The following MTBP variants were observed in gnomAD, a reference collection of about 807,000 sequenced individuals.
MTBP encodes MDM2 binding protein.
A neutral mutation model predicts 117.0 loss-of-function variants in MTBP; 101 were observed. The observed-to-expected ratio is 0.86, with a 90% confidence interval of 0.73 to 1.02. The LOEUF is 1.02. Ranked by LOEUF, MTBP falls within the 50% of genes least tolerant of loss-of-function variation. The pLI is 0.00. For missense variants in MTBP, 970 were observed against 1,030.9 expected, an observed-to-expected ratio of 0.94 and a Z score of 0.81; for synonymous variants, 350 against 351.5, an observed-to-expected ratio of 1.00 and a Z score of 0.05.
intron 11 of MTBP, chr8:120,472,613 T>C (rs922721156): frequency 2.0e-5 from 3 of 152,192 alleles, no homozygotes; most frequent in African/African-American, 7.2e-5. Context: ...GCCTTTTCCT[T>C]GCCACATGGT....
chr8:120,483,007 C>CT (rs71306885), intron 11 of MTBP, among the ~76,000 whole-genome samples: 23,070 of 139,962 alleles, frequency 0.16, 2,012 homozygotes, highest in Non-Finnish European at 0.21. Flanking sequence ...ACAGTACTAT[C>CT]TTTTTTTTTT....
intron 7 of MTBP, among the ~76,000 whole-genome samples, chr8:120,458,210 G>T (rs955653909): frequency 3.3e-5 from 5 of 152,104 alleles, no homozygotes; most frequent in African/African-American, 1.2e-4. Flanking sequence ...TGGTGATTAA[G>T]GACATAGATT....
At chr8:120,476,639 AC>A (rs1413813474) in intron 11 of MTBP, among the ~76,000 whole-genome samples, 2 of 152,138 alleles carry the variant, frequency 1.3e-5, no homozygotes, top group Non-Finnish European at 2.9e-5. Context: ...TCATGAATGA[AC>A]TCCAATTCAC....
intron 2 of MTBP, among the ~76,000 whole-genome samples, chr8:120,447,568 G>A (rs181381045): frequency 6.6e-6 from 1 of 152,072 alleles, no homozygotes; most frequent in Admixed American, 6.6e-5. Context: ...GTATGATAGT[G>A]TTGTTCTTTA....
chr8:120,469,299 G>A (rs766381576), intron 10 of MTBP, among the ~76,000 whole-genome samples: 2 of 152,064 alleles, frequency 1.3e-5, no homozygotes, highest in Non-Finnish European at 2.9e-5. Context: ...ACTTGCCTCG[G>A]CCTCCCAAAG....
intron 11 of MTBP, among the ~76,000 whole-genome samples, chr8:120,483,367 G>A (rs1296572216): frequency 6.6e-6 from 1 of 151,774 alleles, no homozygotes; most frequent in Non-Finnish European, 1.5e-5. Flanking sequence ...AAAATAATTG[G>A]TTATATTATT....
At chr8:120,519,922 C>T (rs1056977380) in intron 20 of MTBP, among the ~76,000 whole-genome samples, 1 of 152,112 alleles carries the variant, frequency 6.6e-6, no homozygotes, top group African/African-American at 2.4e-5. Flanking sequence ...TAGGTTTTTC[C>T]ACCCACCTCA....
intron 18 of MTBP, among the ~76,000 whole-genome samples, chr8:120,516,895 G>A (rs12548498): frequency 0.54 from 81,245 of 151,778 alleles, 24,752 homozygotes; most frequent in Non-Finnish European, 0.67. Flanking sequence ...GAATAGTTAA[G>A]AAAGTTAGAA....
chr8:120,459,207 CTT>C lies in MTBP; in HGVS notation c.748-5_748-4del. 6.2e-7 allele frequency: 1 copy of C among 1,604,452 alleles called. No homozygotes were observed. Among genetic ancestry groups the C allele is most frequent in the Middle Eastern group, 1.8e-4 (1 of 5,634 alleles). ...ACTTGTAACTGTGTTTTCTTGGTCT[CTT>C]TTCAGTTTGGATTTGAAATTAGTTT... On this transcript the variant is annotated splice_region_variant and splice_polypyrimidine_tract_variant and intron_variant, in intron 7 of 21. Coordinates refer to ENST00000305949, the MANE Select transcript of MTBP (RefSeq NM_022045.5).
At chr8:120,515,047 A>G (rs201013954) in intron 17 of MTBP, among the ~76,000 whole-genome samples, 10 of 34,532 alleles carry the variant, frequency 2.9e-4, no homozygotes, top group African/African-American at 4.7e-4. Flanking sequence ...AGGAAATGAT[A>G]ACACTCCTTG....
At chr8:120,471,802 G>T (rs1813821841) in intron 11 of MTBP, 1 of 152,004 alleles carries the variant, frequency 6.6e-6, no homozygotes, top group African/African-American at 2.4e-5. Context: ...CTTCTCCAAG[G>T]GTTTGAATCT....
intron 17 of MTBP, among the ~76,000 whole-genome samples, chr8:120,514,071 T>A (rs1814869890): frequency 6.6e-6 from 1 of 151,784 alleles, no homozygotes; most frequent in African/African-American, 2.4e-5. Context: ...GTAGACTTTT[T>A]AAAAAGTGTG....
At chr8:120,508,085 A>G (rs1210742750) in intron 16 of MTBP, among the ~76,000 whole-genome samples, 5 of 152,172 alleles carry the variant, frequency 3.3e-5, no homozygotes, top group African/African-American at 9.6e-5. Context: ...TGATTCTTCA[A>G]TGTTAGTAAA....
intron 17 of MTBP, among the ~76,000 whole-genome samples, chr8:120,514,842 A>G (rs747979582): frequency 1.3e-5 from 2 of 152,096 alleles, no homozygotes; most frequent in African/African-American, 2.4e-5. Context: ...GATAAGTACT[A>G]TAATTCTCAT....
intron 8 of MTBP, 65 bp from the exon 9 acceptor site, chr8:120,461,096 A>G: frequency 8.4e-7 from 1 of 1,196,492 alleles, no homozygotes; most frequent in Non-Finnish European, 1.2e-6. Context: ...TAAACCCTTA[A>G]TCACTAATTT....
chr8:120,519,905 TC>T (rs1814985996), intron 20 of MTBP, among the ~76,000 whole-genome samples: 1 of 152,148 alleles, frequency 6.6e-6, no homozygotes, highest in Non-Finnish European at 1.5e-5. Context: ...ACAAGGTCTA[TC>T]ATGCATAGGT....
chr8:120,495,449 T>C (rs1037651050), intron 13 of MTBP, among the ~76,000 whole-genome samples: 3 of 152,182 alleles, frequency 2.0e-5, no homozygotes, highest in Non-Finnish European at 2.9e-5. Context: ...GCCCCATTTA[T>C]TGAACTGTGT....
In MTBP at chr8:120,447,716, A is replaced by C. The variant is rs535177085; in HGVS notation, c.199+1203A>C. Reference sequence around the variant, plus strand: ...TTTATGGAAATAAAAAAATAGTAAAAATAAAATTTATTTTGTACCCTGTAA... The same window carrying C: ...TTTATGGAAATAAAAAAATAGTAAACATAAAATTTATTTTGTACCCTGTAA... On this transcript the variant is annotated intron_variant, in intron 2 of 21. Coordinates refer to ENST00000305949, the MANE Select transcript of MTBP (RefSeq NM_022045.5). Among the ~76,000 whole-genome samples, 638 of 152,268 alleles carry C rather than the reference A, an allele frequency of 4.2e-3. 3 individuals carry two copies. Among genetic ancestry groups the C allele is most frequent in the Non-Finnish European group, 6.3e-3 (430 of 68,004 alleles).
chr8:120,458,820 C>A, intron 7 of MTBP, among the ~76,000 whole-genome samples: 1 of 144,724 alleles, frequency 6.9e-6, no homozygotes, highest in Non-Finnish European at 1.5e-5. Context: ...CAGCCTGGGC[C>A]ACAAGAGTGA....
Sources: gnomAD v4.1 joint callset for allele counts (sites outside exome capture counted in the v4.1 genomes callset) on GRCh38, gnomAD v4.1.1 for gene constraint, MANE v1.5 for transcripts, NCBI Gene and HGNC (gene_info 2026-07-23, HGNC 2026-07-21) for gene names.